Variants in ZSWIM5 observed in about 807,000 individuals in gnomAD.
ZSWIM5 encodes zinc finger SWIM-type containing 5, also known as zinc finger SWIM domain-containing protein 5.
In ZSWIM5, 55 loss-of-function variants were observed where a neutral mutation model predicts 119.6. That is an observed-to-expected ratio of 0.46 (90% CI 0.37 to 0.58). The LOEUF is 0.58. Ranked by LOEUF, ZSWIM5 falls within the 20% of genes least tolerant of loss-of-function variation. The probability of loss-of-function intolerance (pLI) is 0.00; values close to 1 mark genes in which losing one functional copy is unlikely to be tolerated. For synonymous variants in ZSWIM5, 537 were observed against 606.9 expected, an observed-to-expected ratio of 0.88 and a Z score of 1.69; for missense variants, 1,193 against 1,512.8, an observed-to-expected ratio of 0.79 and a Z score of 3.51.
At chr1:45,045,183 C>T (rs1188026245) in intron 5 of ZSWIM5, among the ~76,000 whole-genome samples, 2 of 151,696 alleles carry the variant, frequency 1.3e-5, no homozygotes, top group African/African-American at 2.4e-5. Context: ...AGATATCTTG[C>T]CACAAACCAC....
intron 4 of ZSWIM5, among the ~76,000 whole-genome samples, chr1:45,055,472 G>A (rs987112039): frequency 2.6e-5 from 4 of 152,106 alleles, no homozygotes; most frequent in African/African-American, 7.2e-5. Flanking sequence ...TTGAGATGGC[G>A]ACAACAAGGG....
chr1:45,141,114 T>G (rs1216332127), intron 1 of ZSWIM5, among the ~76,000 whole-genome samples: 2 of 152,192 alleles, frequency 1.3e-5, no homozygotes, highest in Non-Finnish European at 2.9e-5. Flanking sequence ...CGGGCAATCC[T>G]GTCGTGATGG....
At chr1:45,056,784 A>G (rs1645126410) in intron 4 of ZSWIM5, among the ~76,000 whole-genome samples, 1 of 152,210 alleles carries the variant, frequency 6.6e-6, no homozygotes, top group African/African-American at 2.4e-5. Flanking sequence ...TCATGACAGC[A>G]GAGATACTTT....
At chr1:45,026,099 A>G (rs1400936374) in intron 11 of ZSWIM5, among the ~76,000 whole-genome samples, 3 of 152,142 alleles carry the variant, frequency 2.0e-5, no homozygotes, top group Non-Finnish European at 2.9e-5. Flanking sequence ...CAGTAGTACA[A>G]TCATGGTTCA....
intron 1 of ZSWIM5, among the ~76,000 whole-genome samples, chr1:45,203,956 C>T (rs2149058657): frequency 6.6e-6 from 1 of 152,162 alleles, no homozygotes; most frequent in Non-Finnish European, 1.5e-5. Context: ...AATCAGAAAA[C>T]ATGTTTGTTT....
chr1:45,111,455 C>T (rs1645517731), intron 1 of ZSWIM5, among the ~76,000 whole-genome samples: 1 of 151,990 alleles, frequency 6.6e-6, no homozygotes, highest in Non-Finnish European at 1.5e-5. Flanking sequence ...TTTCCTATCG[C>T]TGCTGTAACA....
intron 1 of ZSWIM5, among the ~76,000 whole-genome samples, chr1:45,190,103 C>A (rs1319158847): frequency 6.6e-6 from 1 of 152,108 alleles, no homozygotes; most frequent in Non-Finnish European, 1.5e-5. Flanking sequence ...TGCTTGAACT[C>A]AGGAGTTCAA....
intron 1 of ZSWIM5, among the ~76,000 whole-genome samples, chr1:45,172,274 C>A (rs185781022): frequency 1.3e-5 from 2 of 152,018 alleles, no homozygotes; most frequent in East Asian, 3.9e-4. Context: ...TAGTTGTACT[C>A]GTCTCTCAAA....
At chr1:45,035,103 G>C (rs1644975022) in intron 10 of ZSWIM5, among the ~76,000 whole-genome samples, 1 of 152,120 alleles carries the variant, frequency 6.6e-6, no homozygotes, top group African/African-American at 2.4e-5. Flanking sequence ...ATTTCTAAAA[G>C]TATAAGAAAT....
chr1:45,165,115 T>C (rs1472960675), intron 1 of ZSWIM5, among the ~76,000 whole-genome samples: 1 of 152,062 alleles, frequency 6.6e-6, no homozygotes, highest in Non-Finnish European at 1.5e-5. Context: ...TAACAAACTG[T>C]CTCTCAGACC....
At chr1:45,064,868 A>G (rs917826650) in intron 2 of ZSWIM5, among the ~76,000 whole-genome samples, 1 of 152,222 alleles carries the variant, frequency 6.6e-6, no homozygotes, top group East Asian at 1.9e-4. Context: ...TCTCTTTACT[A>G]CAAGGCTATA....
At chr1:45,115,422 G>C (rs1457014058) in intron 1 of ZSWIM5, among the ~76,000 whole-genome samples, 3 of 150,342 alleles carry the variant, frequency 2.0e-5, no homozygotes, top group African/African-American at 7.4e-5. Context: ...CTTCTCAGAC[G>C]GGGCGGCCGG....
chr1:45,206,243 C>A lies in ZSWIM5; in HGVS notation c.108G>T (p.Ser36=), dbSNP rs376866321. The change falls in exon 1 of 14, where the codon TCG becomes TCT. Residue 36 remains serine (S), a synonymous_variant. Transcript: ENST00000359600. The stretch of plus-strand genomic sequence containing the variant: ...CTGCCCCTCCGCCGGCTGCCCCAGG[C>A]GAACCGCGAGGGTGATGAGCCTGCG... The part of the protein sequence containing the change: ...PSPQAHHPRG[S]PGAAGGGAGG... 10 of 1,584,436 alleles carry A rather than the reference C, an allele frequency of 6.3e-6. No individual in the cohort carries two copies. In the African/African-American group the frequency reaches 1.3e-4, roughly 21 times the overall value.
chr1:45,057,962 A>T lies in ZSWIM5; in HGVS notation c.1252+647T>A, dbSNP rs115395476. Reference sequence around the variant, plus strand: ...AATGAAAGAAAAATGAGTGCTTAGCAATAAGTTTGGTAAAGTAAGGAATGG... The same window carrying T: ...AATGAAAGAAAAATGAGTGCTTAGCTATAAGTTTGGTAAAGTAAGGAATGG... On this transcript the variant is annotated intron_variant, in intron 4 of 13. Coordinates refer to ENST00000359600, the MANE Select transcript of ZSWIM5 (RefSeq NM_020883.2). This position sits in a 1 kb window ranked among gnomAD's most constrained non-coding sequence, Gnocchi z 4.7. 6.4e-3 allele frequency among the ~76,000 whole-genome samples: 968 copies of T among 152,302 alleles called. 10 individuals carry two copies. Among genetic ancestry groups the T allele is most frequent in the Non-Finnish European group, 9.1e-3 (616 of 68,010 alleles).
Position 45,034,351 on chromosome 1 carries a change from G to A in ZSWIM5, c.2410C>T (p.Gln804Ter). 1 of 1,613,514 alleles carries A rather than the reference G, an allele frequency of 6.2e-7. No homozygotes were observed. The highest frequency in any genetic ancestry group is 8.5e-7 in the Non-Finnish European group (1 of 1,179,740). ...WFTLGHLESQQCELASTMLTA... is the reference protein window; with the variant it reads ...WFTLGHLESQ ...AGCATGGTGGAGGCCAGTTCACACT[G>A]CTGTGATTCCAAGTGTCCAAGCGTG... is the stretch of plus-strand genomic sequence containing the variant. The change falls in exon 11 of 14, where the codon CAG becomes TAG. Residue 804 changes from glutamine to a stop codon, truncating the protein, a stop_gained. Coordinates refer to ENST00000359600, the MANE Select transcript of ZSWIM5 (RefSeq NM_020883.2). LOFTEE classifies it high-confidence loss of function.
intron 12 of ZSWIM5, 68 bp downstream of exon 12, chr1:45,020,557 T>C (rs1196676051): frequency 6.4e-7 from 1 of 1,553,046 alleles, no homozygotes; most frequent in African/African-American, 1.4e-5. Context: ...CTCCCAGAGA[T>C]CTTATCTTCT....
rs144647987 is a variant in ZSWIM5 at position 45,174,874 on chromosome 1, A to T, written c.595+30882T>A. 4.0e-3 allele frequency among the ~76,000 whole-genome samples: 602 copies of T among 152,256 alleles called. 3 individuals are homozygous for T. The highest frequency in any genetic ancestry group is 0.014 in the African/African-American group (578 of 41,572). On this transcript the variant is annotated intron_variant, in intron 1 of 13. Coordinates refer to ENST00000359600, the MANE Select transcript of ZSWIM5 (RefSeq NM_020883.2). ...GAGTAAGTTGTCAACGTACTGCCTT[A>T]TCACCCCAGAATACTTTTTTTGTGT...
chr1:45,018,149 C>T lies in ZSWIM5; in HGVS notation c.*305G>A. 1 of 406,220 alleles carries T rather than the reference C, an allele frequency of 2.5e-6. No homozygotes were observed. The highest frequency in any genetic ancestry group is 4.5e-6 in the Non-Finnish European group (1 of 223,440). The allele number at this position is 406,220 out of a possible 1,614,324, so 25.2% of individuals were successfully genotyped here. On this transcript the variant is annotated 3_prime_UTR_variant, in exon 14 of 14. Coordinates refer to ENST00000359600, the MANE Select transcript of ZSWIM5 (RefSeq NM_020883.2). The surrounding 1 kb of genome is among the most constrained non-coding windows in gnomAD (Gnocchi z 6.7). ...GAGATGGAACAGTGTTCTGTGTTTGCCAAGGGAGACAGGGCCAATGCTCAG... is the reference window on the plus strand; with the variant it reads ...GAGATGGAACAGTGTTCTGTGTTTGTCAAGGGAGACAGGGCCAATGCTCAG...
At chr1:45,104,054 T>C (rs533292585) in intron 1 of ZSWIM5, among the ~76,000 whole-genome samples, 1 of 152,338 alleles carries the variant, frequency 6.6e-6, no homozygotes, top group Non-Finnish European at 1.5e-5. Flanking sequence ...GTAACTTCTT[T>C]GACTGAGAAA....
Sources: gnomAD v4.1 joint callset for allele counts (sites outside exome capture counted in the v4.1 genomes callset) on GRCh38, gnomAD v4.1.1 for gene constraint, Gnocchi (gnomAD v3.1) non-coding constraint, MANE v1.5 for transcripts, NCBI Gene and HGNC (gene_info 2026-07-23, HGNC 2026-07-21) for gene names.